Variants in SSH2 observed in about 807,000 individuals in gnomAD.
The protein encoded by SSH2 is protein phosphatase Slingshot homolog 2.
SSH2 carries 37 observed loss-of-function variants against 135.2 expected under a neutral mutation model. That is an observed-to-expected ratio of 0.27 (90% CI 0.21 to 0.36). The LOEUF (loss-of-function observed/expected upper bound fraction) is 0.36. Ranked by LOEUF, SSH2 falls within the 10% of genes least tolerant of loss-of-function variation. The probability of loss-of-function intolerance (pLI) is 1.00; values close to 1 mark genes in which losing one functional copy is unlikely to be tolerated. For synonymous variants in SSH2, 628 were observed against 646.2 expected, an observed-to-expected ratio of 0.97 and a Z score of 0.43; for missense variants, 1,408 against 1,765.3, an observed-to-expected ratio of 0.80 and a Z score of 3.63.
At chr17:29,720,119 C>A (rs191433209) in intron 3 of SSH2, among the ~76,000 whole-genome samples, 1 of 152,330 alleles carries the variant, frequency 6.6e-6, no homozygotes, top group East Asian at 1.9e-4. Context: ...GGCTCTCTAG[C>A]ATTTTGAATT....
At chr17:29,844,372 C>T (rs1365297164) in intron 2 of SSH2, among the ~76,000 whole-genome samples, 2 of 152,264 alleles carry the variant, frequency 1.3e-5, no homozygotes, top group East Asian at 3.9e-4. Flanking sequence ...GAAGAAATAG[C>T]CCTACAATGG....
intron 3 of SSH2, among the ~76,000 whole-genome samples, chr17:29,735,800 A>G (rs1211296012): frequency 2.0e-5 from 3 of 151,220 alleles, no homozygotes; most frequent in Non-Finnish European, 2.9e-5. Flanking sequence ...TTCACTCCCC[A>G]TTTCTGAAAA....
rs535820782 is a variant in SSH2 at position 29,729,237 on chromosome 17, T to C, written c.189-26175A>G. On this transcript the variant is annotated intron_variant, in intron 3 of 15. Transcript: ENST00000540801. ...TTTAAAAATGGGCAAAGGGTCTGAA[T>C]AGACATTTCTCAAAAGATGACATTG... Among the ~76,000 whole-genome samples, 28 of 152,314 alleles carry C rather than the reference T, an allele frequency of 1.8e-4. 1 individual carries two copies. The highest frequency in any genetic ancestry group is 1.6e-3 in the Admixed American group (25 of 15,302).
intron 3 of SSH2, among the ~76,000 whole-genome samples, chr17:29,734,506 A>C (rs2040303619): frequency 6.6e-6 from 1 of 152,134 alleles, no homozygotes; most frequent in Non-Finnish European, 1.5e-5. Flanking sequence ...CTAAATATCC[A>C]AGCCTAGGGC....
chr17:29,831,368 T>G (rs1430625563), intron 2 of SSH2, among the ~76,000 whole-genome samples: 2 of 152,232 alleles, frequency 1.3e-5, no homozygotes, highest in African/African-American at 2.4e-5. Flanking sequence ...CCTCTTTCTC[T>G]CCTGTATTAA....
In SSH2 at chr17:29,636,502, A is replaced by C. The variant is rs2035921020; in HGVS notation, c.1728T>G (p.Asn576Lys). ...ACCCTGATGAGCATCCATTGATGTC[A>C]TTTAAGTTTAATTCATCCTCAATCT... ...AGQIEDELNLNDINGCSSGCC... is the reference protein window; with the variant it reads ...AGQIEDELNLKDINGCSSGCC... The change falls in exon 15 of 16, where the codon AAT becomes AAG. Residue 576 changes from asparagine to lysine, a missense_variant. Around this residue, in one of 3 missense-constraint regions of SSH2, gnomAD observed 1,080 missense variants for 1,144.5 expected, o/e 0.94. Transcript: ENST00000540801. The C allele has an allele frequency of 1.2e-6, 2 of 1,614,220 alleles. No homozygotes were observed. The highest frequency in any genetic ancestry group is 4.5e-5 in the East Asian group (2 of 44,890).
chr17:29,844,876 C>T lies in SSH2; in HGVS notation c.144+3973G>A, dbSNP rs181164386. Among the ~76,000 whole-genome samples, 12 of 152,334 alleles carry T rather than the reference C, an allele frequency of 7.9e-5. No homozygotes were observed. In the East Asian group the frequency reaches 2.3e-3, roughly 29 times the overall value. On this transcript the variant is annotated intron_variant, in intron 2 of 15. Transcript: ENST00000540801. ...CAGCCAGCCCTCCAGCCAAATTGGC[C>T]TCCAGCCAAATTTATTTCCACTTAT...
At chr17:29,738,744 CG>C (rs2151201572) in intron 3 of SSH2, among the ~76,000 whole-genome samples, 1 of 151,578 alleles carries the variant, frequency 6.6e-6, no homozygotes, top group East Asian at 1.9e-4. Context: ...TTAGTAGAGA[CG>C]GGGTTTCACT....
intron 3 of SSH2, among the ~76,000 whole-genome samples, chr17:29,711,771 C>A (rs887626164): frequency 2.0e-5 from 3 of 152,178 alleles, no homozygotes; most frequent in African/African-American, 7.2e-5. Flanking sequence ...AAACTCTCCC[C>A]TGGGACCATA....
intron 1 of SSH2, among the ~76,000 whole-genome samples, chr17:29,886,228 T>C (rs999168727): frequency 2.0e-5 from 3 of 152,154 alleles, no homozygotes; most frequent in East Asian, 3.9e-4. Flanking sequence ...AAAATGCTCA[T>C]AGCGATATGG....
intron 3 of SSH2, among the ~76,000 whole-genome samples, chr17:29,728,211 G>A (rs2040064275): frequency 6.6e-6 from 1 of 152,044 alleles, no homozygotes; most frequent in Non-Finnish European, 1.5e-5. Flanking sequence ...CAGTAAAATT[G>A]TGGGATACAT....
rs936537914 is a variant in SSH2 at position 29,792,689 on chromosome 17, G to C, written c.188+1205C>G. ...TTTTTATTATTTTTTGTTTGTTCTTGTTTTTGAGACGGAGTCTCGCTCTGT... is the reference window on the plus strand; with the variant it reads ...TTTTTATTATTTTTTGTTTGTTCTTCTTTTTGAGACGGAGTCTCGCTCTGT... On this transcript the variant is annotated intron_variant, in intron 3 of 15. Transcript: ENST00000540801. Among the ~76,000 whole-genome samples, 6 of 152,302 alleles carry C rather than the reference G, an allele frequency of 3.9e-5. No individual in the cohort carries two copies. In the East Asian group the frequency reaches 1.2e-3, roughly 29 times the overall value.
In SSH2 at chr17:29,762,631, T is replaced by C. The variant is rs1225143523; in HGVS notation, c.188+31263A>G. 3.3e-5 allele frequency among the ~76,000 whole-genome samples: 5 copies of C among 152,228 alleles called. No homozygotes were observed. In the East Asian group the frequency reaches 9.6e-4, roughly 29 times the overall value. ...GTATTCCCTGACGCCTTTACAGTTT[T>C]AAGCCCTTACCATGTTCCTTCCAAT... On this transcript the variant is annotated intron_variant, in intron 3 of 15. Coordinates refer to ENST00000540801, the MANE Select transcript of SSH2 (RefSeq NM_001282129.2).
intron 4 of SSH2, among the ~76,000 whole-genome samples, chr17:29,696,174 T>TACACAC (rs199942164): frequency 6.3e-4 from 86 of 137,150 alleles, no homozygotes; most frequent in African/African-American, 2.1e-3. Context: ...TGTATATATA[T>TACACAC]ACACACACAC....
chr17:29,834,451 A>G (rs910205083), intron 2 of SSH2, among the ~76,000 whole-genome samples: 4 of 152,142 alleles, frequency 2.6e-5, no homozygotes, highest in African/African-American at 9.7e-5. Flanking sequence ...ATGTATACAT[A>G]AATATTAAAA....
rs987457047 is a variant in SSH2, at chr17:29,860,572, C to T, written c.64-11643G>A. On this transcript the variant is annotated intron_variant, in intron 1 of 15. Transcript: ENST00000540801. ...TCTCTTGCTTCAGCCACCGCGATTA[C>T]AGGAGGGTCCCACCATGCCCAGCTA... Among the ~76,000 whole-genome samples, 33 of 150,942 alleles carry T rather than the reference C, an allele frequency of 2.2e-4. No homozygotes were observed. The Admixed American group carries it at 2.2e-3, about 10-fold the overall frequency.
At chr17:29,743,492 A>G (rs531916363) in intron 3 of SSH2, among the ~76,000 whole-genome samples, 1 of 152,210 alleles carries the variant, frequency 6.6e-6, no homozygotes, top group South Asian at 2.1e-4. Flanking sequence ...CTTCCTGAGA[A>G]TTTCTCCAAG....
chr17:29,632,078 A>G lies in SSH2; in HGVS notation c.3116T>C (p.Ile1039Thr). ...TGATGTAACTATGTGGGTATATTCA[A>G]TGATTTCTACCCTCTTGGGAAGGGG... is the stretch of plus-strand genomic sequence containing the variant. ...PLPLPKRVEI[I>T]EYTHIVTSPN... The change falls in exon 16 of 16, where the codon ATT becomes ACT. Residue 1039 changes from isoleucine (I) to threonine (T), a missense_variant. Physicochemically the swap from Ile to Thr is moderately conservative, Grantham distance 89. Transcript: ENST00000540801. The G allele has an allele frequency of 6.2e-7, 1 of 1,614,158 alleles. No homozygotes were observed. Among genetic ancestry groups the G allele is most frequent in the Non-Finnish European group, 8.5e-7 (1 of 1,180,020 alleles).
At chr17:29,765,977 A>G (rs1001452137) in intron 3 of SSH2, among the ~76,000 whole-genome samples, 6 of 141,258 alleles carry the variant, frequency 4.2e-5, no homozygotes, top group Non-Finnish European at 7.6e-5. Flanking sequence ...CCAAGATCGC[A>G]CTGCTGCACT....
Sources: allele counts gnomAD v4.1 joint callset (sites outside exome capture counted in the v4.1 genomes callset), GRCh38; gene constraint gnomAD v4.1.1; regional missense constraint gnomAD v4.1.1; transcripts MANE v1.5; gene names NCBI Gene and HGNC (gene_info 2026-07-23, HGNC 2026-07-21).